The following HS3ST3A1 variants were observed in gnomAD, a reference collection of about 807,000 sequenced individuals.
HS3ST3A1 encodes the protein heparan sulfate-glucosamine 3-sulfotransferase 3A1.
HS3ST3A1 carries 19 observed loss-of-function variants against 25.7 expected under a neutral mutation model. The ratio of observed to expected loss-of-function variants is 0.74; its 90% CI spans 0.52 to 1.08. The LOEUF (loss-of-function observed/expected upper bound fraction) is 1.08, where lower values mean the gene tolerates loss of function less well. Ranked by LOEUF, HS3ST3A1 falls within the 50% of genes least tolerant of loss-of-function variation. The pLI, the probability that HS3ST3A1 is intolerant of heterozygous loss-of-function variation, is 0.00. For synonymous variants in HS3ST3A1, 226 were observed against 278.6 expected (o/e 0.81, Z 1.88); for missense variants, 459 against 594.3 (o/e 0.77, Z 2.37).
chr17:13,563,182 G>T (rs1446396613), intron 1 of HS3ST3A1, among the ~76,000 whole-genome samples: 1 of 151,814 alleles, frequency 6.6e-6, no homozygotes, highest in African/African-American at 2.4e-5. Context: ...TGGAAAAAGG[G>T]ACAGTGATGA....
intron 1 of HS3ST3A1, among the ~76,000 whole-genome samples, chr17:13,543,249 A>C (rs1375351473): frequency 5.3e-5 from 8 of 152,132 alleles, no homozygotes; most frequent in Admixed American, 4.6e-4. Flanking sequence ...CAAGCATTTA[A>C]AGTGGGGGGC....
intron 1 of HS3ST3A1, among the ~76,000 whole-genome samples, chr17:13,591,478 CA>C (rs1371176512): frequency 6.6e-6 from 1 of 152,114 alleles, no homozygotes; most frequent in African/African-American, 2.4e-5. Flanking sequence ...ATATGTTCAA[CA>C]AGATAAGTTC....
intron 1 of HS3ST3A1, among the ~76,000 whole-genome samples, chr17:13,583,700 T>C (rs1908173500): frequency 6.6e-6 from 1 of 152,230 alleles, no homozygotes; most frequent in Non-Finnish European, 1.5e-5. Context: ...ATGAACATAG[T>C]TGTTGAACTT....
chr17:13,581,466 C>CAAA lies in HS3ST3A1; in HGVS notation c.599+19062_599+19064dup, dbSNP rs71144975. ...TGGGTGATGAAGTGAGACTCTATCT[C>CAAA]AAAAAAAAAAAAAAAAACGTAGAAA... On this transcript the variant is annotated intron_variant, in intron 1 of 1. Transcript: ENST00000284110. 1.6e-4 allele frequency among the ~76,000 whole-genome samples: 20 copies of CAAA among 122,000 alleles called. No individual in the cohort carries two copies. In the East Asian group the frequency reaches 1.9e-3, roughly 12 times the overall value. The allele number at this position is 122,000 out of a possible 152,430, so 80.0% of individuals were successfully genotyped here.
At chr17:13,513,285 C>G (rs1416774688) in intron 1 of HS3ST3A1, among the ~76,000 whole-genome samples, 1 of 152,202 alleles carries the variant, frequency 6.6e-6, no homozygotes, top group South Asian at 2.1e-4. Flanking sequence ...ATCTGTGTGA[C>G]GGAACAGAAA....
At position 13,592,587 on chromosome 17, in the gene HS3ST3A1, C is replaced by T. The variant is rs145143719; in HGVS notation, c.599+7944G>A. ...AAGCATTTGCAGTCTATCCCTTGCA[C>T]GAAAGCAGTTGATAAAACGGATCCA... On this transcript the variant is annotated intron_variant, in intron 1 of 1. Transcript: ENST00000284110. 1.8e-4 allele frequency among the ~76,000 whole-genome samples: 27 copies of T among 152,240 alleles called. No individual in the cohort carries two copies. In the East Asian group the frequency reaches 4.4e-3, roughly 25 times the overall value.
Position 13,601,641 on chromosome 17 carries a change from C to T in HS3ST3A1, c.-512G>A, listed in dbSNP as rs899191451. ...GTGGCGAGCGACAGTGACTTCCAGC[C>T]CCGGCTTTCTCTGGTCCCCTTGCCC... On this transcript the variant is annotated 5_prime_UTR_variant, in exon 1 of 2. Transcript: ENST00000284110. 1 of 153,694 alleles carries T rather than the reference C, an allele frequency of 6.5e-6. No individual in the cohort carries two copies. The highest frequency in any genetic ancestry group is 1.4e-5 in the Non-Finnish European group (1 of 69,184). The allele number at this position is 153,694 out of a possible 1,614,324, so 9.5% of individuals were successfully genotyped here.
At chr17:13,542,106 T>C (rs1440948427) in intron 1 of HS3ST3A1, among the ~76,000 whole-genome samples, 6 of 152,084 alleles carry the variant, frequency 3.9e-5, no homozygotes, top group Admixed American at 3.9e-4. Flanking sequence ...GGCAGGTGGA[T>C]CACTTGAGGT....
At chr17:13,508,523 T>C (rs1372597490) in intron 1 of HS3ST3A1, among the ~76,000 whole-genome samples, 2 of 152,190 alleles carry the variant, frequency 1.3e-5, no homozygotes, top group Admixed American at 6.5e-5. Context: ...TCTCTTTCAT[T>C]GACTCTTAGA....
chr17:13,537,743 C>T (rs967227623), intron 1 of HS3ST3A1, among the ~76,000 whole-genome samples: 10 of 152,326 alleles, frequency 6.6e-5, no homozygotes, highest in Non-Finnish European at 1.3e-4. Flanking sequence ...TCACTGAAAA[C>T]TCCTATAAAA....
At chr17:13,589,524 C>T (rs1908363580) in intron 1 of HS3ST3A1, among the ~76,000 whole-genome samples, 1 of 152,148 alleles carries the variant, frequency 6.6e-6, no homozygotes, top group Admixed American at 6.5e-5. Flanking sequence ...ATCCAAAAGC[C>T]TCCTACACCA....
chr17:13,579,728 AT>A lies in HS3ST3A1; in HGVS notation c.599+20802del, dbSNP rs201571713. ...AAAAAAAAAAAAAAAAAAAAAAAAA[AT>A]CATAAGAAATTATGCTTTGGGAGAC... On this transcript the variant is annotated intron_variant, in intron 1 of 1. Coordinates refer to ENST00000284110, the MANE Select transcript of HS3ST3A1 (RefSeq NM_006042.3). Among the ~76,000 whole-genome samples, 876 of 137,116 alleles carry A rather than the reference AT, an allele frequency of 6.4e-3. 113 individuals carry two copies. Among genetic ancestry groups the A allele is most frequent in the Non-Finnish European group, 0.011 (658 of 62,210 alleles). 90.0% of individuals were successfully genotyped at this position (137,116 alleles called of 152,430 possible). A position where few individuals can be genotyped will look rare whatever the true frequency, so the allele number is the denominator to read the frequency against.
chr17:13,577,390 G>C (rs1907971746), intron 1 of HS3ST3A1, among the ~76,000 whole-genome samples: 1 of 152,178 alleles, frequency 6.6e-6, no homozygotes, highest in Non-Finnish European at 1.5e-5. Context: ...TCCTGGGGTT[G>C]CTTTCTGACT....
intron 1 of HS3ST3A1, among the ~76,000 whole-genome samples, chr17:13,589,821 C>T (rs567895669): frequency 6.6e-6 from 1 of 152,274 alleles, no homozygotes; most frequent in East Asian, 1.9e-4. Flanking sequence ...ACGAGGGGAG[C>T]AGTTAGCTCC....
At chr17:13,548,196 C>T (rs2142353052) in intron 1 of HS3ST3A1, among the ~76,000 whole-genome samples, 1 of 152,254 alleles carries the variant, frequency 6.6e-6, no homozygotes, top group South Asian at 2.1e-4. Flanking sequence ...ATATGTATTT[C>T]TCCCAGTTCT....
intron 1 of HS3ST3A1, among the ~76,000 whole-genome samples, chr17:13,520,395 A>T (rs961545987): frequency 6.6e-6 from 1 of 152,226 alleles, no homozygotes; most frequent in African/African-American, 2.4e-5. Context: ...TGAAAATTGT[A>T]TCAGTCCTAC....
At chr17:13,519,018 AT>A (rs1345298751) in intron 1 of HS3ST3A1, among the ~76,000 whole-genome samples, 2 of 152,238 alleles carry the variant, frequency 1.3e-5, no homozygotes, top group Non-Finnish European at 2.9e-5. Context: ...TTTGTATATA[AT>A]ATGTGCTTAC....
At chr17:13,540,113 A>C (rs1396123184) in intron 1 of HS3ST3A1, among the ~76,000 whole-genome samples, 1 of 152,224 alleles carries the variant, frequency 6.6e-6, no homozygotes, top group African/African-American at 2.4e-5. Context: ...TAAATAAAAC[A>C]TATTTTTGTG....
At position 13,559,213 on chromosome 17, in the gene HS3ST3A1, CA is replaced by C. The variant is rs1176040948; in HGVS notation, c.599+41317del. On this transcript the variant is annotated intron_variant, in intron 1 of 1. Coordinates refer to ENST00000284110, the MANE Select transcript of HS3ST3A1 (RefSeq NM_006042.3). ...TTAACTGTTAGTATTATTATGACAA[CA>C]AAAAAAGAGACTGGGTGGAGATGCT... 3.9e-5 allele frequency among the ~76,000 whole-genome samples: 6 copies of C among 151,950 alleles called. 1 individual carries two copies. Among genetic ancestry groups the C allele is most frequent in the Non-Finnish European group, 7.4e-5 (5 of 67,966 alleles).
Sources: gnomAD v4.1 joint callset for allele counts (sites outside exome capture counted in the v4.1 genomes callset) on GRCh38, gnomAD v4.1.1 for gene constraint, MANE v1.5 for transcripts, NCBI Gene and HGNC (gene_info 2026-07-23, HGNC 2026-07-21) for gene names.